C20orf96: variants seen among roughly 807,000 people sequenced by gnomAD.
The protein encoded by C20orf96 is uncharacterized protein C20orf96.
In C20orf96, 57 loss-of-function variants were observed where a neutral mutation model predicts 52.6. That is an observed-to-expected ratio of 1.08 (90% CI 0.88 to 1.35). The LOEUF is 1.35. Among genes scored for constraint, C20orf96 ranks in the 40% most tolerant of loss-of-function variants. The pLI, the probability that C20orf96 is intolerant of heterozygous loss-of-function variation, is 0.00. For missense variants in C20orf96, 478 were observed against 443.6 expected (o/e 1.08, Z -0.70); for synonymous variants, 168 against 157.2 (o/e 1.07, Z -0.51).
rs1195270953 is a variant in C20orf96 at position 278,579 on chromosome 20, A to G, written c.466-150T>C. On this transcript the variant is annotated intron_variant, in intron 5 of 10. Transcript: ENST00000360321. ...CGGGACAGTAACAGTGTCCACCCAT[A>G]GGGTTGTTGTAAGGACTATATAAAG... The G allele has an allele frequency of 7.5e-6, 5 of 662,618 alleles. No individual in the cohort carries two copies. The African/African-American group carries it at 9.0e-5, about 12-fold the overall frequency. 41.0% of individuals were successfully genotyped at this position (662,618 alleles called of 1,614,324 possible).
intron 3 of C20orf96, 107 bp from the exon 4 acceptor site, chr20:284,188 C>T: frequency 1.3e-6 from 1 of 762,198 alleles, no homozygotes. Flanking sequence ...ACCCCAGCTC[C>T]ACCCTCTGAC....
Position 276,994 on chromosome 20 carries a change from G to A in C20orf96, c.825+50C>T, listed in dbSNP as rs757906720. 7 of 1,595,244 alleles carry A rather than the reference G, an allele frequency of 4.4e-6. No individual in the cohort carries two copies. In the East Asian group the frequency reaches 1.3e-4, roughly 31 times the overall value. On this transcript the variant is annotated intron_variant, in intron 8 of 10. Transcript: ENST00000360321. ...GGCAGAGGATGGGGAAGAGGGCGGG[G>A]TGGGGGTGAGACCTGGATCCCCGCT...
chr20:284,431 G>A (rs957482023), intron 3 of C20orf96, among the ~76,000 whole-genome samples: 2 of 152,212 alleles, frequency 1.3e-5, no homozygotes, highest in Admixed American at 6.5e-5. Flanking sequence ...CTGCAGCACA[G>A]GACAGCAGAA....
Position 280,691 on chromosome 20 carries a change from G to A in C20orf96, c.307-1361C>T, listed in dbSNP as rs183311874. ...AAACTGCAAGGCATGGCTGAACCAC[G>A]TAGTGACTAAGACTTGGATGTTGAA... On this transcript the variant is annotated intron_variant, in intron 4 of 10. Transcript: ENST00000360321. 8.5e-5 allele frequency among the ~76,000 whole-genome samples: 13 copies of A among 152,310 alleles called. No individual in the cohort carries two copies. The East Asian group carries it at 1.4e-3, about 16-fold the overall frequency.
intron 6 of C20orf96, among the ~76,000 whole-genome samples, chr20:277,652 C>T (rs766508128): frequency 2.6e-4 from 39 of 152,296 alleles, no homozygotes; most frequent in Non-Finnish European, 4.7e-4. Context: ...ACTGACTTGC[C>T]GGGTGGCTCT....
Position 271,124 on chromosome 20 carries a change from G to T in C20orf96, c.*83C>A. The T allele has an allele frequency of 8.4e-7, 1 of 1,184,560 alleles. No individual in the cohort carries two copies. Among genetic ancestry groups the T allele is most frequent in the South Asian group, 1.3e-5 (1 of 76,272 alleles). The allele number at this position is 1,184,560 out of a possible 1,614,324, so 73.4% of individuals were successfully genotyped here. ...GACTGTAGATCAGGGTCTGAATGGA[G>T]ATCCGGTCCTGGAAGTAAATGATCC... On this transcript the variant is annotated 3_prime_UTR_variant, in exon 11 of 11. Coordinates refer to ENST00000360321, the MANE Select transcript of C20orf96 (RefSeq NM_153269.3).
Position 290,424 on chromosome 20 carries a change from T to C in C20orf96, c.21-117A>G, listed in dbSNP as rs569045523. The C allele has an allele frequency of 1.0e-5, 16 of 1,547,432 alleles. No homozygotes were observed. In the East Asian group the frequency reaches 1.9e-4, roughly 19 times the overall value. The stretch of plus-strand genomic sequence containing the variant: ...AGAAACTGCAGTTTACCGGGGACAA[T>C]AGCCCCGCGGGAGTGGGGCGGGGCC... On this transcript the variant is annotated intron_variant, in intron 1 of 10. Coordinates refer to ENST00000360321, the MANE Select transcript of C20orf96 (RefSeq NM_153269.3).
intron 2 of C20orf96, 98 bp from the exon 3 acceptor site, chr20:289,774 C>A: frequency 2.8e-6 from 1 of 354,520 alleles, no homozygotes; most frequent in Non-Finnish European, 4.8e-6. Context: ...CTTGACCTCT[C>A]CTGAGCCTCA....
intron 3 of C20orf96, among the ~76,000 whole-genome samples, chr20:285,274 G>A (rs1348644522): frequency 2.6e-5 from 4 of 152,144 alleles, no homozygotes; most frequent in African/African-American, 4.8e-5. Context: ...TCTGCCTGTC[G>A]TGCAATGACA....
At chr20:284,768 A>C (rs952549193) in intron 3 of C20orf96, among the ~76,000 whole-genome samples, 8 of 152,334 alleles carry the variant, frequency 5.3e-5, no homozygotes, top group African/African-American at 1.7e-4. Context: ...GAGGCAAGAG[A>C]ATCGTTTGAA....
At chr20:276,928 C>T (rs752211415) in intron 8 of C20orf96, 49 bp from the exon 9 acceptor site, 1 of 1,610,772 alleles carries the variant, frequency 6.2e-7, no homozygotes, top group Admixed American at 1.7e-5. Context: ...TCCTGGGCAG[C>T]AGAACATGGT....
intron 10 of C20orf96, among the ~76,000 whole-genome samples, chr20:275,330 G>A (rs933633213): frequency 1.6e-4 from 24 of 152,020 alleles, no homozygotes; most frequent in Admixed American, 1.3e-4. Flanking sequence ...GGCGGGGGGC[G>A]GTTTAGAAAT....
Position 290,584 on chromosome 20 carries a change from T to TTTTTTA in C20orf96, c.20+6_20+7insTAAAAA, listed in dbSNP as rs3835237. ...TCCAATTTTTTTTTTTTTTTTTTTT[T>TTTTTTA]ACCTACTTTTGTAAGACATGCGCCA... On this transcript the variant is annotated splice_region_variant and intron_variant, in intron 1 of 10. Transcript: ENST00000360321. The TTTTTTA allele has an allele frequency of 3.2e-3, 4,911 of 1,546,144 alleles. 65 individuals are homozygous for TTTTTTA. The highest frequency in any genetic ancestry group is 0.023 in the African/African-American group (1,480 of 63,570).
intron 3 of C20orf96, among the ~76,000 whole-genome samples, chr20:286,745 T>C (rs1236170365): frequency 6.6e-6 from 1 of 152,052 alleles, no homozygotes; most frequent in Non-Finnish European, 1.5e-5. Flanking sequence ...GATATAGGAC[T>C]TTCCCATAAC....
At chr20:272,295 C>G (rs2011866899) in intron 10 of C20orf96, among the ~76,000 whole-genome samples, 1 of 152,144 alleles carries the variant, frequency 6.6e-6, no homozygotes, top group Admixed American at 6.5e-5. Context: ...TTGTCAATTG[C>G]CCACCCAATG....
chr20:277,527 T>A (rs1256281284), intron 6 of C20orf96, 144 bp from the exon 7 acceptor site: 6 of 792,572 alleles, frequency 7.6e-6, no homozygotes, highest in Non-Finnish European at 1.2e-5. Context: ...GGCTGGGAGG[T>A]GGTTAAAAGT....
In C20orf96 at chr20:279,114, GGGAGGGACGGAGGTTGGGAC is replaced by G. The variant is rs1335954872; in HGVS notation, c.465+38_465+57del. ...CGGGACGGAGGGACGGAGGGAGGGA[GGGAGGGACGGAGGTTGGGAC>G]GGAGGGACGGAGGGCGGGCGGATGC... On this transcript the variant is annotated intron_variant, in intron 5 of 10. Coordinates refer to ENST00000360321, the MANE Select transcript of C20orf96 (RefSeq NM_153269.3). 2.9e-3 allele frequency: 3,122 copies of G among 1,071,504 alleles called. 230 individuals are homozygous for G. Among genetic ancestry groups the G allele is most frequent in the South Asian group, 0.025 (1,360 of 53,658 alleles). 66.4% of individuals were successfully genotyped at this position (1,071,504 alleles called of 1,614,324 possible).
Position 289,614 on chromosome 20 carries a change from T to C in C20orf96, c.132A>G (p.Gln44=), listed in dbSNP as rs778512311. ...ETKPSTLPPV[Q]QANSLHTSKM... ...TGCTTGTATGAAGGCTGTTGGCTTG[T>C]TGGACTGGAGGCAGAGTAGATGGCT... Residue 44 remains glutamine (Q), a synonymous_variant, in exon 3 of 11, where the codon CAA becomes CAG. Coordinates refer to ENST00000360321, the MANE Select transcript of C20orf96 (RefSeq NM_153269.3). 2 of 1,614,126 alleles carry C rather than the reference T, an allele frequency of 1.2e-6. No individual in the cohort carries two copies. The highest frequency in any genetic ancestry group is 1.1e-5 in the South Asian group (1 of 91,084).
At position 270,967 on chromosome 20, in the gene C20orf96, A is replaced by G. The variant is rs2011805739; in HGVS notation, c.*240T>C. On this transcript the variant is annotated 3_prime_UTR_variant, in exon 11 of 11. Transcript: ENST00000360321. ...ACCAGAAAGAAGGGAAGAAGAGAGG[A>G]AAAAACCACAGGAAGAAAGAAAGGA... is the stretch of plus-strand genomic sequence containing the variant. The G allele has an allele frequency of 2.0e-6, 1 of 510,314 alleles. No homozygotes were observed. Among genetic ancestry groups the G allele is most frequent in the South Asian group, 2.5e-5 (1 of 40,604 alleles). 31.6% of individuals were successfully genotyped at this position (510,314 alleles called of 1,614,324 possible).
Sources: gnomAD v4.1 joint callset for allele counts (sites outside exome capture counted in the v4.1 genomes callset) on GRCh38, gnomAD v4.1.1 for gene constraint, MANE v1.5 for transcripts, NCBI Gene and HGNC (gene_info 2026-07-23, HGNC 2026-07-21) for gene names.